DNAI1: variants seen among roughly 807,000 people sequenced by gnomAD.
The protein encoded by DNAI1 is dynein axonemal intermediate chain 1, also known as dynein, axonemal, intermediate polypeptide 1.
A neutral mutation model predicts 92.0 loss-of-function variants in DNAI1; 67 were observed. The ratio of observed to expected loss-of-function variants is 0.73; its 90% CI spans 0.60 to 0.89. DNAI1 has a LOEUF of 0.89. DNAI1 is among the 40% of genes least tolerant of loss of function. The pLI, the probability that DNAI1 is intolerant of heterozygous loss-of-function variation, is 0.00. For missense variants in DNAI1, 839 were observed against 866.6 expected (o/e 0.97, Z 0.40); for synonymous variants, 323 against 319.6 (o/e 1.01, Z -0.11).
rs1824453189 is a variant in DNAI1, at chr9:34,485,497, A to G, written c.241A>G (p.Ile81Val). Residue 81 changes from isoleucine to valine, a missense_variant, in exon 4 of 20, where the codon ATT becomes GTT. Physicochemically the swap from Ile to Val is conservative, Grantham distance 29. Coordinates refer to ENST00000242317, the MANE Select transcript of DNAI1 (RefSeq NM_012144.4). ...TANNPHAPQN[I>V]VRYSFKEGTY... ...CAACAACCCACACGCACCCCAGAACATTGTCAGGTACAGCTTCAAAGTAAG... is the reference window on the plus strand; with the variant it reads ...CAACAACCCACACGCACCCCAGAACGTTGTCAGGTACAGCTTCAAAGTAAG... 2 of 1,614,140 alleles carry G rather than the reference A, an allele frequency of 1.2e-6. No homozygotes were observed. Among genetic ancestry groups the G allele is most frequent in the Middle Eastern group, 1.6e-4 (1 of 6,062 alleles).
chr9:34,471,544 C>T (rs557107444), intron 1 of DNAI1, among the ~76,000 whole-genome samples: 5 of 151,864 alleles, frequency 3.3e-5, no homozygotes, highest in African/African-American at 4.8e-5. Flanking sequence ...CCGAGGTGGG[C>T]GGATCATGAG....
In DNAI1 at chr9:34,506,881, A is replaced by C; in HGVS notation, c.1311+7A>C. 2.5e-6 allele frequency: 4 copies of C among 1,613,240 alleles called. No homozygotes were observed. Among genetic ancestry groups the C allele is most frequent in the Non-Finnish European group, 1.7e-6 (2 of 1,179,694 alleles). On this transcript the variant is annotated splice_region_variant and intron_variant, in intron 13 of 19. Transcript: ENST00000242317. ...CTCAGACCCTGTGTGGCAGGTCAGC[A>C]ACCAGGCTGGGAGGGGTGGGGATGG... is the stretch of plus-strand genomic sequence containing the variant.
chr9:34,506,965 C>T (rs1824947507), intron 13 of DNAI1, 91 bp downstream of exon 13: 1 of 1,538,806 alleles, frequency 6.5e-7, no homozygotes. Context: ...AGGAGAGGAC[C>T]ACAGGCAAGG....
intron 9 of DNAI1, among the ~76,000 whole-genome samples, chr9:34,495,773 A>G (rs1433918253): frequency 6.6e-6 from 1 of 152,118 alleles, no homozygotes; most frequent in African/African-American, 2.4e-5. Flanking sequence ...GCCACAGAAA[A>G]CACTGCCTGA....
intron 1 of DNAI1, among the ~76,000 whole-genome samples, chr9:34,471,153 G>A (rs1824126789): frequency 2.0e-5 from 3 of 152,100 alleles, no homozygotes; most frequent in Non-Finnish European, 2.9e-5. Context: ...AAGGCTAAGT[G>A]TGGTGGCTCA....
intron 1 of DNAI1, among the ~76,000 whole-genome samples, chr9:34,475,222 G>A (rs1824215424): frequency 6.6e-6 from 1 of 152,200 alleles, no homozygotes; most frequent in African/African-American, 2.4e-5. Context: ...CGGCAAGCTG[G>A]TGAGGTATTT....
At chr9:34,498,994 A>G (rs149393894) in intron 10 of DNAI1, among the ~76,000 whole-genome samples, 2 of 152,350 alleles carry the variant, frequency 1.3e-5, no homozygotes, top group African/African-American at 4.8e-5. Context: ...ATTAATATCC[A>G]TGGAGAAATT....
chr9:34,488,952 G>T (rs1322468229), intron 4 of DNAI1, among the ~76,000 whole-genome samples: 1 of 152,152 alleles, frequency 6.6e-6, no homozygotes, highest in Admixed American at 6.5e-5. Flanking sequence ...TGCCAGGTGT[G>T]TTTGATGACT....
chr9:34,497,040 G>T, intron 9 of DNAI1, 75 bp from the exon 10 acceptor site: 2 of 1,125,896 alleles, frequency 1.8e-6, no homozygotes, highest in Non-Finnish European at 1.4e-6. Context: ...TCAATTGCAA[G>T]GGTGACATGG....
intron 1 of DNAI1, among the ~76,000 whole-genome samples, chr9:34,460,030 A>G (rs898103186): frequency 6.6e-6 from 1 of 152,096 alleles, no homozygotes; most frequent in African/African-American, 2.4e-5. Flanking sequence ...AGAGCCTCAT[A>G]TCTCTCTCTT....
chr9:34,514,965 G>A (rs1438822888), intron 18 of DNAI1, among the ~76,000 whole-genome samples: 1 of 152,222 alleles, frequency 6.6e-6, no homozygotes, highest in Non-Finnish European at 1.5e-5. Flanking sequence ...CCTTGGAGGA[G>A]AAAGCACTCT....
intron 1 of DNAI1, among the ~76,000 whole-genome samples, chr9:34,469,872 G>A (rs950624252): frequency 1.3e-5 from 2 of 152,074 alleles, no homozygotes; most frequent in Non-Finnish European, 2.9e-5. Context: ...GAGCCACTGC[G>A]CCCAGCCCTT....
intron 4 of DNAI1, among the ~76,000 whole-genome samples, chr9:34,486,488 T>C (rs1018479358): frequency 6.6e-6 from 1 of 152,076 alleles, no homozygotes; most frequent in Non-Finnish European, 1.5e-5. Context: ...TTTGAAAATA[T>C]AATAGAAACC....
At position 34,520,694 on chromosome 9, in the gene DNAI1, G is replaced by T. The variant is rs1333588246; in HGVS notation, c.2038G>T (p.Val680Leu). Residue 680 changes from valine (V) to leucine (L), a missense_variant, in exon 20 of 20, where the codon GTG becomes TTG. Val to Leu is a conservative substitution (Grantham distance 32, BLOSUM62 1). Transcript: ENST00000242317. ...KGQEVQKGPA[V>L]EIAKLDKLLN... is the part of the protein sequence containing the mutation. The stretch of plus-strand genomic sequence containing the variant: ...GCAGGAGGTGCAGAAGGGTCCAGCT[G>T]TGGAGATTGCGAAACTGGACAAACT... 8 of 1,551,684 alleles carry T rather than the reference G, an allele frequency of 5.2e-6. No individual in the cohort carries two copies.
At chr9:34,475,859 A>G (rs1196772567) in intron 1 of DNAI1, among the ~76,000 whole-genome samples, 1 of 152,190 alleles carries the variant, frequency 6.6e-6, no homozygotes, top group African/African-American at 2.4e-5. Flanking sequence ...ATGGTAGAGA[A>G]CAGCTTAAGA....
chr9:34,519,568 G>C (rs1825228516), intron 19 of DNAI1, among the ~76,000 whole-genome samples: 1 of 152,136 alleles, frequency 6.6e-6, no homozygotes, highest in Non-Finnish European at 1.5e-5. Flanking sequence ...TGGCAAAAAG[G>C]CACTGGGCTG....
At chr9:34,512,260 A>G in intron 14 of DNAI1, 62 bp downstream of exon 14, 2 of 1,610,980 alleles carry the variant, frequency 1.2e-6, no homozygotes, top group Non-Finnish European at 1.7e-6. Flanking sequence ...CTAAATGGCA[A>G]AGGGCAACCC....
chr9:34,493,104 G>GCTTGTT, intron 8 of DNAI1, 90 bp from the exon 9 acceptor site: 1 of 1,579,434 alleles, frequency 6.3e-7, no homozygotes, highest in Non-Finnish European at 8.7e-7. Context: ...GGGTTAACAT[G>GCTTGTT]ACCAATTCCT....
chr9:34,462,510 C>T (rs1457146715), intron 1 of DNAI1, among the ~76,000 whole-genome samples: 1 of 152,198 alleles, frequency 6.6e-6, no homozygotes, highest in Non-Finnish European at 1.5e-5. Context: ...GTTGATTCCC[C>T]TCTACCTAGC....
Sources: gnomAD v4.1 joint callset for allele counts (sites outside exome capture counted in the v4.1 genomes callset) on GRCh38, gnomAD v4.1.1 for gene constraint, MANE v1.5 for transcripts, NCBI Gene and HGNC (gene_info 2026-07-23, HGNC 2026-07-21) for gene names.